VIT: variants seen among roughly 807,000 people sequenced by gnomAD.
VIT encodes the protein vitrin.
In VIT, 99 loss-of-function variants were observed where a neutral mutation model predicts 78.0. That is an observed-to-expected ratio of 1.27 (90% confidence interval 1.08 to 1.50). The LOEUF (loss-of-function observed/expected upper bound fraction) is 1.50, where lower values mean the gene tolerates loss of function less well. VIT is among the 40% of genes most tolerant of loss of function. The pLI is 0.00. For synonymous variants in VIT, 374 were observed against 334.3 expected (o/e 1.12, Z -1.29); for missense variants, 1,126 against 875.3 (o/e 1.29, Z -3.61).
intron 5 of VIT, among the ~76,000 whole-genome samples, chr2:36,757,580 A>G (rs1431117059): frequency 6.6e-6 from 1 of 152,216 alleles, no homozygotes; most frequent in African/African-American, 2.4e-5. Context: ...AACCTCAGTC[A>G]TTGTCATTTG....
intron 12 of VIT, among the ~76,000 whole-genome samples, chr2:36,793,577 T>C (rs890510027): frequency 1.3e-5 from 2 of 152,248 alleles, no homozygotes; most frequent in Non-Finnish European, 2.9e-5. Context: ...TCGTGTGACC[T>C]GAAACATCCT....
At chr2:36,706,663 G>T (rs1665445994) in intron 1 of VIT, among the ~76,000 whole-genome samples, 1 of 152,130 alleles carries the variant, frequency 6.6e-6, no homozygotes, top group African/African-American at 2.4e-5. Context: ...ATTGGCTTCA[G>T]TTTCTTTTTT....
chr2:36,730,555 C>T (rs949737371), intron 3 of VIT, among the ~76,000 whole-genome samples: 2 of 152,200 alleles, frequency 1.3e-5, no homozygotes, highest in African/African-American at 2.4e-5. Flanking sequence ...CAGGATTTTT[C>T]TTCTCAGTCA....
intron 10 of VIT, 81 bp downstream of exon 10, chr2:36,781,852 T>A: frequency 6.4e-7 from 1 of 1,555,920 alleles, no homozygotes; most frequent in Non-Finnish European, 8.8e-7. Flanking sequence ...ATAATCCAGC[T>A]GGCATAGCGG....
chr2:36,809,276 A>G (rs767014106), intron 15 of VIT, among the ~76,000 whole-genome samples: 1 of 152,120 alleles, frequency 6.6e-6, no homozygotes, highest in Non-Finnish European at 1.5e-5. Context: ...ACCCTGAGGC[A>G]TTTCCCACAA....
chr2:36,749,649 G>T (rs750120851), intron 4 of VIT, among the ~76,000 whole-genome samples: 1 of 152,098 alleles, frequency 6.6e-6, no homozygotes, highest in Non-Finnish European at 1.5e-5. Flanking sequence ...TCATAGTGGG[G>T]ACTCAAACCC....
rs1425069289 is a variant in VIT at position 36,803,806 on chromosome 2, A to G, written c.1163-1632A>G. ...TAAAGTCTAAAGAAGGTGCTTCTTA[A>G]CTTTTATGGAGATTGAGGACTCCTT... On this transcript the variant is annotated intron_variant, in intron 13 of 15. Coordinates refer to ENST00000379242, the MANE Select transcript of VIT (RefSeq NM_053276.4). Among the ~76,000 whole-genome samples the G allele has an allele frequency of 2.0e-5, 3 of 152,342 alleles. No individual in the cohort carries two copies. The East Asian group carries it at 5.8e-4, about 29-fold the overall frequency.
chr2:36,784,325 C>G (rs1400152682), intron 11 of VIT, among the ~76,000 whole-genome samples: 7 of 152,192 alleles, frequency 4.6e-5, no homozygotes, highest in Non-Finnish European at 4.4e-5. Flanking sequence ...TGCCCATCTT[C>G]CTGCCTCATA....
At chr2:36,763,446 T>G (rs1669238854) in intron 6 of VIT, among the ~76,000 whole-genome samples, 1 of 152,204 alleles carries the variant, frequency 6.6e-6, no homozygotes, top group Non-Finnish European at 1.5e-5. Flanking sequence ...AAGAAACTAT[T>G]TTACTAGTTT....
intron 13 of VIT, among the ~76,000 whole-genome samples, chr2:36,804,361 C>G (rs1207504480): frequency 2.0e-5 from 3 of 152,206 alleles, no homozygotes; most frequent in African/African-American, 7.2e-5. Context: ...CTCCTGACCC[C>G]AGAACACAGC....
chr2:36,714,684 T>A (rs1385194262), intron 1 of VIT, among the ~76,000 whole-genome samples: 1 of 152,234 alleles, frequency 6.6e-6, no homozygotes, highest in East Asian at 1.9e-4. Context: ...TTCTCCCTTA[T>A]TGCCTGTGCC....
chr2:36,716,468 C>T (rs912548239), intron 2 of VIT, 46 bp downstream of exon 2: 1 of 1,588,944 alleles, frequency 6.3e-7, no homozygotes. Flanking sequence ...TAAAATTTTC[C>T]TAAGATCCAA....
At chr2:36,742,386 C>G (rs902132024) in intron 3 of VIT, among the ~76,000 whole-genome samples, 3 of 152,130 alleles carry the variant, frequency 2.0e-5, no homozygotes, top group Non-Finnish European at 4.4e-5. Context: ...GGATGCTCAG[C>G]CAGAGAGTTC....
intron 2 of VIT, among the ~76,000 whole-genome samples, chr2:36,727,917 T>C (rs551746180): frequency 5.3e-4 from 80 of 152,182 alleles, no homozygotes; most frequent in Middle Eastern, 3.2e-3. Context: ...GTAACAACTA[T>C]GTTGCTGGCG....
intron 2 of VIT, among the ~76,000 whole-genome samples, chr2:36,726,675 C>T (rs1411992538): frequency 6.6e-6 from 1 of 151,938 alleles, no homozygotes; most frequent in African/African-American, 2.4e-5. Flanking sequence ...AAAAATTAGC[C>T]AGGTGTGGTG....
chr2:36,742,793 C>T (rs1001763968), intron 3 of VIT, among the ~76,000 whole-genome samples: 4 of 152,212 alleles, frequency 2.6e-5, no homozygotes, highest in Non-Finnish European at 5.9e-5. Context: ...GATAACATTT[C>T]TGGCCACTGG....
chr2:36,807,397 C>G (rs1390089660), intron 14 of VIT, among the ~76,000 whole-genome samples: 2 of 152,192 alleles, frequency 1.3e-5, no homozygotes. Context: ...CTGTCTCCTG[C>G]TGTGACTTCA....
chr2:36,778,345 G>A lies in VIT; in HGVS notation c.802+3278G>A, dbSNP rs147605708. Among the ~76,000 whole-genome samples, 76 of 152,238 alleles carry A rather than the reference G, an allele frequency of 5.0e-4. 1 individual carries two copies. In the East Asian group the frequency reaches 0.013, roughly 26 times the overall value. ...CTCCTACCACGGTTCTGGGAGTTGG[G>A]GCAGGCTACTCCTGCTGTATGGAGG... On this transcript the variant is annotated intron_variant, in intron 9 of 15. Transcript: ENST00000379242.
chr2:36,733,913 A>G (rs945096670), intron 3 of VIT, among the ~76,000 whole-genome samples: 3 of 152,258 alleles, frequency 2.0e-5, no homozygotes, highest in Non-Finnish European at 4.4e-5. Context: ...ACCTCAAAAT[A>G]TATCTTACAG....
Sources: allele counts gnomAD v4.1 joint callset (sites outside exome capture counted in the v4.1 genomes callset), GRCh38; gene constraint gnomAD v4.1.1; transcripts MANE v1.5; gene names NCBI Gene and HGNC (gene_info 2026-07-23, HGNC 2026-07-21).